KLF16: variants seen among roughly 807,000 people sequenced by gnomAD.
KLF16 encodes Krueppel-like factor 16.
A neutral mutation model predicts 6.1 loss-of-function variants in KLF16; 6 were observed. That is an observed-to-expected ratio of 0.98 (90% CI 0.54 to 1.93). The LOEUF (loss-of-function observed/expected upper bound fraction) is 1.93. Among genes scored for constraint, KLF16 ranks in the 30% most tolerant of loss-of-function variants. KLF16 has a pLI of 0.01. For synonymous variants in KLF16, 211 were observed against 176.5 expected, an observed-to-expected ratio of 1.20 and a Z score of -1.55; for missense variants, 355 against 363.8, an observed-to-expected ratio of 0.98 and a Z score of 0.20.
the KLF16 span, among the ~76,000 whole-genome samples, chr19:1,872,650 C>T: frequency 6.6e-6 from 1 of 152,228 alleles, no homozygotes; most frequent in Non-Finnish European, 1.5e-5. Context: ...TGCTCGCTGT[C>T]TGGCCGGGCA....
chr19:1,863,306 G>T lies in KLF16; in HGVS notation c.192C>A (p.Ala64=). The change falls in exon 1 of 2, where the codon GCC becomes GCA. Residue 64 remains alanine (A), a synonymous_variant. Coordinates refer to ENST00000250916, the MANE Select transcript of KLF16 (RefSeq NM_031918.4). The part of the protein sequence containing the change: ...GTPGPPPPPP[A]ASGPGPGAAA... Reference sequence around the variant, plus strand: ...CGGCGCCGGGGCCCGGGCCAGAAGCGGCGGGGGGCGGCGGGGGTGGCCCCG... The same window carrying T: ...CGGCGCCGGGGCCCGGGCCAGAAGCTGCGGGGGGCGGCGGGGGTGGCCCCG... 12 of 981,506 alleles carry T rather than the reference G, an allele frequency of 1.2e-5. No homozygotes were observed. Among genetic ancestry groups the T allele is most frequent in the Non-Finnish European group, 1.4e-5 (12 of 828,884 alleles). 60.8% of individuals were successfully genotyped at this position (981,506 alleles called of 1,614,324 possible). A position where few individuals can be genotyped will look rare whatever the true frequency, so the allele number is the denominator to read the frequency against.
chr19:1,871,898 T>C, the KLF16 span, among the ~76,000 whole-genome samples: 1 of 151,984 alleles, frequency 6.6e-6, no homozygotes, highest in African/African-American at 2.4e-5. Flanking sequence ...CTGCACAGGG[T>C]GGGCAGCAGG....
At chr19:1,861,513 T>C (rs993081739) in intron 1 of KLF16, 8 of 152,130 alleles carry the variant, frequency 5.3e-5, no homozygotes, top group African/African-American at 1.9e-4. Context: ...ACGGACCCCA[T>C]TGCCCTCAAA....
At chr19:1,859,203 G>A (rs2012013521) in intron 1 of KLF16, among the ~76,000 whole-genome samples, 1 of 152,074 alleles carries the variant, frequency 6.6e-6, no homozygotes, top group Admixed American at 6.5e-5. Context: ...GTTCTGCCTG[G>A]GGGTGGAGGA....
At position 1,854,451 on chromosome 19, in the gene KLF16, C is replaced by T. The variant is rs1033178722; in HGVS notation, c.*8G>A. 1.6e-5 allele frequency: 22 copies of T among 1,398,174 alleles called. No homozygotes were observed. Among genetic ancestry groups the T allele is most frequent in the African/African-American group, 7.7e-5 (5 of 65,238 alleles). 86.6% of individuals were successfully genotyped at this position (1,398,174 alleles called of 1,614,324 possible). ...ATCCTGGCGGTCAGGGTGGGCTGCACGAGGGCCCTACAGGCCTGCGGGGGC... is the reference window on the plus strand; with the variant it reads ...ATCCTGGCGGTCAGGGTGGGCTGCATGAGGGCCCTACAGGCCTGCGGGGGC... On this transcript the variant is annotated 3_prime_UTR_variant, in exon 2 of 2. Transcript: ENST00000250916.
chr19:1,859,746 G>T (rs919704369), intron 1 of KLF16, among the ~76,000 whole-genome samples: 3 of 152,172 alleles, frequency 2.0e-5, no homozygotes, highest in African/African-American at 7.2e-5. Flanking sequence ...CTAAGTCCTG[G>T]GGCGCGGGGA....
chr19:1,862,594 G>A (rs917824546), intron 1 of KLF16, among the ~76,000 whole-genome samples: 5 of 151,988 alleles, frequency 3.3e-5, no homozygotes, highest in Admixed American at 6.5e-5. Context: ...CCCGGCGGCG[G>A]CGACGCGGTT....
chr19:1,856,940 A>AGCAGGTT (rs2011962002), intron 1 of KLF16, among the ~76,000 whole-genome samples: 1 of 49,694 alleles, frequency 2.0e-5, no homozygotes, highest in Non-Finnish European at 3.5e-5. Flanking sequence ...TGCAAGGAGG[A>AGCAGGTT]GCAGGTTGCC....
intron 1 of KLF16, among the ~76,000 whole-genome samples, chr19:1,856,962 G>T (rs1483709732): frequency 7.3e-6 from 1 of 136,330 alleles, no homozygotes; most frequent in Non-Finnish European, 1.5e-5. Context: ...GGGTGGGGGG[G>T]GCGACCGGGG....
At chr19:1,863,849 C>A (rs1487932680), upstream of KLF16, among the ~76,000 whole-genome samples, 1 of 146,566 alleles carries the variant, frequency 6.8e-6, no homozygotes, top group Non-Finnish European at 1.5e-5. Flanking sequence ...ACTCCGGCCT[C>A]CGCCAGCGCC....
chr19:1,868,461 CTT>C (rs762308559), upstream of KLF16, among the ~76,000 whole-genome samples: 11 of 110,054 alleles, frequency 1.0e-4, no homozygotes, highest in African/African-American at 2.9e-4. Flanking sequence ...CAGATTAGGG[CTT>C]TTTTTTTTTT....
intron 1 of KLF16, among the ~76,000 whole-genome samples, chr19:1,856,107 C>A (rs976670456): frequency 6.6e-6 from 1 of 152,204 alleles, no homozygotes; most frequent in Non-Finnish European, 1.5e-5. Context: ...GGGAGCACTC[C>A]CACCGGTCCA....
chr19:1,869,144 G>C, the KLF16 span, among the ~76,000 whole-genome samples: 3 of 152,200 alleles, frequency 2.0e-5, no homozygotes, highest in Admixed American at 6.5e-5. Flanking sequence ...CTGGAACAGA[G>C]AGCCCGGGGT....
At chr19:1,860,291 G>A (rs2012038733) in intron 1 of KLF16, 1 of 152,444 alleles carries the variant, frequency 6.6e-6, no homozygotes, top group Admixed American at 6.5e-5. Flanking sequence ...ACGCAGGGGA[G>A]AGAGAGCCGA....
upstream of KLF16, among the ~76,000 whole-genome samples, chr19:1,867,932 G>A (rs948544436): frequency 3.6e-5 from 2 of 55,596 alleles, no homozygotes; most frequent in Non-Finnish European, 1.3e-4. Context: ...AAGGACGTGT[G>A]TGTGTGTGTG....
At chr19:1,855,878 G>A (rs751605704) in intron 1 of KLF16, among the ~76,000 whole-genome samples, 1 of 152,260 alleles carries the variant, frequency 6.6e-6, no homozygotes, top group Non-Finnish European at 1.5e-5. Flanking sequence ...CGTTATTCCC[G>A]TGACACCCCA....
the KLF16 span, among the ~76,000 whole-genome samples, chr19:1,871,819 G>C: frequency 2.0e-5 from 3 of 152,194 alleles, no homozygotes; most frequent in South Asian, 4.1e-4. Context: ...GGGTCCTGCA[G>C]GGAGCATCTC....
At chr19:1,863,743 C>A (rs1251471506), upstream of KLF16, among the ~76,000 whole-genome samples, 1 of 143,090 alleles carries the variant, frequency 7.0e-6, no homozygotes, top group East Asian at 2.1e-4. Flanking sequence ...GCCGCAGCCA[C>A]GCCCCCCGCC....
intron 1 of KLF16, among the ~76,000 whole-genome samples, chr19:1,862,281 A>T (rs575614865): frequency 2.6e-5 from 4 of 152,072 alleles, no homozygotes; most frequent in Non-Finnish European, 4.4e-5. Context: ...CGCCCCGGGG[A>T]CTGCGCTAGG....
Sources: allele counts gnomAD v4.1 joint callset (sites outside exome capture counted in the v4.1 genomes callset), GRCh38; gene constraint gnomAD v4.1.1; transcripts MANE v1.5; gene names NCBI Gene and HGNC (gene_info 2026-07-23, HGNC 2026-07-21).